Variants in ZNF609 observed in about 807,000 individuals in gnomAD.
The protein encoded by ZNF609 is zinc finger protein 609.
In ZNF609, 11 loss-of-function variants were observed where a neutral mutation model predicts 109.5. The observed-to-expected ratio is 0.10, with a 90% CI of 0.06 to 0.17. The LOEUF is 0.17. Ranked by LOEUF, ZNF609 falls within the 10% of genes least tolerant of loss-of-function variation. ZNF609 has a pLI of 1.00. For synonymous variants in ZNF609, 646 were observed against 662.0 expected (o/e 0.98, Z 0.37); for missense variants, 1,559 against 1,772.4 (o/e 0.88, Z 2.16).
chr15:64,497,294 T>C (rs947498731), intron 1 of ZNF609, among the ~76,000 whole-genome samples: 2 of 152,180 alleles, frequency 1.3e-5, no homozygotes, highest in African/African-American at 2.4e-5. Flanking sequence ...AGATCTCCAC[T>C]TGGGTAATGG....
chr15:64,632,478 T>G (rs1896099067), intron 3 of ZNF609, among the ~76,000 whole-genome samples: 1 of 152,112 alleles, frequency 6.6e-6, no homozygotes, highest in Non-Finnish European at 1.5e-5. Flanking sequence ...GTTTTTATTT[T>G]ATTTTTTATT....
intron 2 of ZNF609, chr15:64,529,022 C>G: frequency 6.7e-7 from 1 of 1,497,924 alleles, no homozygotes; most frequent in South Asian, 1.2e-5. Context: ...ATGACCTTAC[C>G]CACAGGCTTG....
intron 2 of ZNF609, among the ~76,000 whole-genome samples, chr15:64,548,275 G>C (rs1374300036): frequency 1.3e-5 from 2 of 152,160 alleles, no homozygotes; most frequent in Non-Finnish European, 2.9e-5. Flanking sequence ...CTTAGGAATG[G>C]TCAATATTAT....
chr15:64,584,615 C>A (rs1431024685), intron 2 of ZNF609, among the ~76,000 whole-genome samples: 1 of 151,022 alleles, frequency 6.6e-6, no homozygotes, highest in East Asian at 2.0e-4. Flanking sequence ...CTGCACCCAG[C>A]CCCATCTTTA....
rs960216141 is a variant in ZNF609, at chr15:64,676,517, G to A, written c.3402+261G>A. ...GCAATCTTGGCTCACTACAACCTCC[G>A]CCTCCCAGGTTCAAGCAATTCTCCT... On this transcript the variant is annotated intron_variant, in intron 5 of 9. Coordinates refer to ENST00000326648, the MANE Select transcript of ZNF609 (RefSeq NM_015042.2). 1.1e-4 allele frequency among the ~76,000 whole-genome samples: 16 copies of A among 152,054 alleles called. No individual in the cohort carries two copies. The South Asian group carries it at 2.3e-3, about 22-fold the overall frequency.
At chr15:64,513,594 T>A (rs1197872047) in intron 2 of ZNF609, among the ~76,000 whole-genome samples, 3 of 152,310 alleles carry the variant, frequency 2.0e-5, no homozygotes, top group Middle Eastern at 6.8e-3. Flanking sequence ...ACATACTGGC[T>A]CCATGAATTC....
At chr15:64,578,145 A>T (rs72742930) in intron 2 of ZNF609, among the ~76,000 whole-genome samples, 7,463 of 152,078 alleles carry the variant, frequency 0.049, 238 homozygotes, top group South Asian at 0.09. Flanking sequence ...AGATTTATTT[A>T]TTTATTTTTT....
At position 64,499,596 on chromosome 15, in the gene ZNF609, A is replaced by G. The variant is rs751832288; in HGVS notation, c.177A>G (p.Ile59Met). 1.9e-6 allele frequency: 3 copies of G among 1,614,184 alleles called. No homozygotes were observed. The highest frequency in any genetic ancestry group is 4.5e-5 in the East Asian group (2 of 44,886). ...TGTCAGGCTCAAAGGAGGTGGGGAT[A>G]CCGGCTCCCAATGCTGTGGCCACAC... ...LEMSGSKEVG[I>M]PAPNAVATLP... The change falls in exon 2 of 10, where the codon ATA (isoleucine) becomes ATG (methionine). Residue 59 changes from isoleucine to methionine, a missense_variant. By Grantham distance (10) the Ile-to-Met change is conservative. Transcript: ENST00000326648.
intron 2 of ZNF609, among the ~76,000 whole-genome samples, chr15:64,610,382 C>T (rs1043116956): frequency 2.6e-5 from 4 of 152,090 alleles, no homozygotes; most frequent in African/African-American, 4.8e-5. Flanking sequence ...CTAATATTTA[C>T]TAAGCTTAAT....
chr15:64,479,847 A>G (rs1346295227), intron 1 of ZNF609, among the ~76,000 whole-genome samples: 15 of 151,864 alleles, frequency 9.9e-5, no homozygotes, highest in African/African-American at 3.6e-4. Flanking sequence ...TGAACCCGGG[A>G]GGCAGAGGTT....
intron 2 of ZNF609, among the ~76,000 whole-genome samples, chr15:64,527,493 GTAGT>G (rs1476065632): frequency 6.6e-6 from 1 of 151,898 alleles, no homozygotes; most frequent in African/African-American, 2.4e-5. Flanking sequence ...TCAAAGTACT[GTAGT>G]TATAGCAGTG....
chr15:64,662,384 G>A (rs1196219947), intron 3 of ZNF609, among the ~76,000 whole-genome samples: 1 of 151,998 alleles, frequency 6.6e-6, no homozygotes, highest in African/African-American at 2.4e-5. Context: ...GGAGTGCAGG[G>A]GCAACATCTC....
At chr15:64,577,808 G>T (rs2140422816) in intron 2 of ZNF609, among the ~76,000 whole-genome samples, 1 of 151,352 alleles carries the variant, frequency 6.6e-6, no homozygotes, top group East Asian at 1.9e-4. Flanking sequence ...TCAGTGAGCA[G>T]AGATCGCACC....
intron 3 of ZNF609, among the ~76,000 whole-genome samples, chr15:64,645,122 C>CCTTT (rs2140993288): frequency 8.7e-6 from 1 of 114,430 alleles, no homozygotes; most frequent in South Asian, 3.3e-4. Context: ...TTCCTTCCTT[C>CCTTT]CTTCCTTCCT....
intron 2 of ZNF609, among the ~76,000 whole-genome samples, chr15:64,522,480 A>G (rs1044412069): frequency 6.6e-6 from 1 of 152,114 alleles, no homozygotes; most frequent in Non-Finnish European, 1.5e-5. Flanking sequence ...TTTTATTACA[A>G]TTGATGTGAT....
At chr15:64,614,810 C>CTTTTTTTTTTTTTTT (rs71133459) in intron 2 of ZNF609, among the ~76,000 whole-genome samples, 1 of 34,342 alleles carries the variant, frequency 2.9e-5, no homozygotes, top group African/African-American at 8.1e-5. Flanking sequence ...TAACATCTCG[C>CTTTTTTTTTTTTTTT]TTTTTTTTTT....
intron 2 of ZNF609, among the ~76,000 whole-genome samples, chr15:64,536,927 A>G (rs1051048315): frequency 4.4e-5 from 6 of 136,798 alleles, no homozygotes; most frequent in African/African-American, 1.1e-4. Context: ...AAAAAAAAAA[A>G]AAAAAAAAAA....
chr15:64,580,955 C>CT lies in ZNF609; in HGVS notation c.748-41844dup, dbSNP rs57690590. Among the ~76,000 whole-genome samples, 187 of 58,746 alleles carry CT rather than the reference C, an allele frequency of 3.2e-3. 19 individuals are homozygous for CT. Among genetic ancestry groups the CT allele is most frequent in the African/African-American group, 0.012 (154 of 12,806 alleles). The allele number at this position is 58,746 out of a possible 152,430, so 38.5% of individuals were successfully genotyped here. A position where few individuals can be genotyped will look rare whatever the true frequency, so the allele number is the denominator to read the frequency against. On this transcript the variant is annotated intron_variant, in intron 2 of 9. Coordinates refer to ENST00000326648, the MANE Select transcript of ZNF609 (RefSeq NM_015042.2). ...TCTGTTTTCTAGTCTTCAATGTCTT[C>CT]TTTTTTTTTTTTTTTTTTTTTTTTT... is the stretch of plus-strand genomic sequence containing the variant.
chr15:64,600,318 C>T (rs1029353591), intron 2 of ZNF609, among the ~76,000 whole-genome samples: 8 of 151,672 alleles, frequency 5.3e-5, no homozygotes, highest in African/African-American at 9.7e-5. Flanking sequence ...AGCATGGTGG[C>T]GGGCACCTGT....
Sources: gnomAD v4.1 joint callset for allele counts (sites outside exome capture counted in the v4.1 genomes callset) on GRCh38, gnomAD v4.1.1 for gene constraint, MANE v1.5 for transcripts, NCBI Gene and HGNC (gene_info 2026-07-23, HGNC 2026-07-21) for gene names.